CLIP1: variants seen among roughly 807,000 people sequenced by gnomAD.
CLIP1 encodes CAP-Gly domain-containing linker protein 1.
Under a neutral mutation model 161.6 loss-of-function variants are expected in CLIP1, and 66 were observed. That is an observed-to-expected ratio of 0.41 (90% CI 0.33 to 0.50). The LOEUF is 0.50. Among genes scored for constraint, CLIP1 ranks in the 20% least tolerant of loss-of-function variants. CLIP1 has a pLI of 0.27. For synonymous variants in CLIP1, 598 were observed against 626.2 expected, an observed-to-expected ratio of 0.96 and a Z score of 0.67; for missense variants, 1,376 against 1,702.0, an observed-to-expected ratio of 0.81 and a Z score of 3.37.
intron 3 of CLIP1, among the ~76,000 whole-genome samples, chr12:122,376,651 T>C (rs2136774919): frequency 6.6e-6 from 1 of 151,556 alleles, no homozygotes; most frequent in African/African-American, 2.4e-5. Context: ...TGTATTTTTT[T>C]AGTAGAGATG....
chr12:122,405,871 C>A (rs2137121487), intron 1 of CLIP1, among the ~76,000 whole-genome samples: 1 of 152,228 alleles, frequency 6.6e-6, no homozygotes, highest in Admixed American at 6.5e-5. Flanking sequence ...ACGTTCAAGA[C>A]CAGCCTGGCC....
intron 1 of CLIP1, among the ~76,000 whole-genome samples, chr12:122,418,981 C>A (rs953659809): frequency 6.6e-6 from 1 of 152,042 alleles, no homozygotes; most frequent in African/African-American, 2.4e-5. Context: ...AATATTAAAC[C>A]CTCTCCCTGT....
In CLIP1 at chr12:122,328,078, G is replaced by A. The variant is rs914522566; in HGVS notation, c.3118C>T (p.His1040Tyr). 2.5e-6 allele frequency: 4 copies of A among 1,613,992 alleles called. No individual in the cohort carries two copies. The highest frequency in any genetic ancestry group is 2.2e-5 in the South Asian group (2 of 91,082). The part of the protein sequence containing the change: ...ERATSETKTK[H>Y]EEILQNLQKT... The stretch of plus-strand genomic sequence containing the variant: ...TGGAGGTTCTGTAGGATTTCTTCAT[G>A]CTTGGTTTTTGTCTCAGAAGTGGCT... Residue 1040 changes from histidine to tyrosine, a missense_variant, in exon 17 of 26, where the codon CAT becomes TAT. Transcript: ENST00000620786.
In CLIP1 at chr12:122,323,986, C is replaced by T. The variant is rs1487482696; in HGVS notation, c.3249+3961G>A. 6.6e-6 allele frequency: 1 copy of T among 152,608 alleles called. No individual in the cohort carries two copies. Among genetic ancestry groups the T allele is most frequent in the Non-Finnish European group, 1.5e-5 (1 of 68,036 alleles). The allele number at this position is 152,608 out of a possible 1,614,324, so 9.5% of individuals were successfully genotyped here. On this transcript the variant is annotated intron_variant, in intron 17 of 25. Coordinates refer to ENST00000620786, the MANE Select transcript of CLIP1 (RefSeq NM_001247997.2). The surrounding 1 kb of genome is among the most constrained non-coding windows in gnomAD (Gnocchi z 4.1). ...CTTCAATGAGTGCCTGCATGCTCACCTTGGAAGCTTGCAAAGAGTCATTTT... is the reference window on the plus strand; with the variant it reads ...CTTCAATGAGTGCCTGCATGCTCACTTTGGAAGCTTGCAAAGAGTCATTTT...
At chr12:122,313,063 C>T (rs1387687168) in intron 19 of CLIP1, among the ~76,000 whole-genome samples, 1 of 152,166 alleles carries the variant, frequency 6.6e-6, no homozygotes, top group East Asian at 1.9e-4. Flanking sequence ...GGGGCAGGGG[C>T]TTTTTCAACC....
intron 1 of CLIP1, among the ~76,000 whole-genome samples, chr12:122,383,179 G>A (rs1226276331): frequency 1.3e-5 from 2 of 152,188 alleles, no homozygotes; most frequent in Non-Finnish European, 2.9e-5. Context: ...AGTGACAAGG[G>A]CCAGGTAGAA....
intron 11 of CLIP1, among the ~76,000 whole-genome samples, chr12:122,337,175 C>T (rs1369047678): frequency 2.6e-5 from 4 of 151,868 alleles, no homozygotes; most frequent in South Asian, 4.2e-4. Flanking sequence ...TGGCTGGGCT[C>T]GGTGGCTAAT....
intron 1 of CLIP1, among the ~76,000 whole-genome samples, chr12:122,419,926 CAAA>C (rs5801469): frequency 5.0e-5 from 4 of 79,838 alleles, no homozygotes; most frequent in Admixed American, 3.2e-4. Context: ...GACTCTGTCT[CAAA>C]AAAAAAAAAA....
At chr12:122,421,720 A>G (rs930572610) in intron 1 of CLIP1, among the ~76,000 whole-genome samples, 3 of 152,214 alleles carry the variant, frequency 2.0e-5, no homozygotes, top group Non-Finnish European at 4.4e-5. Context: ...TGGAAAAGCC[A>G]CATGAAGTGG....
At chr12:122,301,909 T>C (rs1368982964) in intron 20 of CLIP1, among the ~76,000 whole-genome samples, 3 of 152,192 alleles carry the variant, frequency 2.0e-5, no homozygotes, top group African/African-American at 4.8e-5. Flanking sequence ...TTTGGAAACA[T>C]GTGCCTGCTG....
intron 17 of CLIP1, among the ~76,000 whole-genome samples, chr12:122,321,018 TTAAATAAATAAATAAATAAA>T (rs56780235): frequency 2.1e-5 from 3 of 145,086 alleles, no homozygotes; most frequent in East Asian, 4.2e-4. Flanking sequence ...AGACTCTGTC[TTAAATAAATAAATAAATAAA>T]TAAATAAATA....
At chr12:122,370,397 TG>T (rs1566185136) in intron 3 of CLIP1, among the ~76,000 whole-genome samples, 1 of 152,144 alleles carries the variant, frequency 6.6e-6, no homozygotes, top group Non-Finnish European at 1.5e-5. Context: ...CTACAACACC[TG>T]GAACAACTTC....
intron 3 of CLIP1, among the ~76,000 whole-genome samples, chr12:122,372,678 T>A (rs544241121): frequency 9.9e-5 from 15 of 151,812 alleles, no homozygotes; most frequent in Non-Finnish European, 1.9e-4. Flanking sequence ...CTAAGTAAAA[T>A]CCATTGTGTT....
At chr12:122,330,597 G>GTTTT (rs71082966) in intron 15 of CLIP1, among the ~76,000 whole-genome samples, 4,367 of 101,236 alleles carry the variant, frequency 0.043, 524 homozygotes, top group African/African-American at 0.12. Flanking sequence ...GTATAATGCA[G>GTTTT]TTTTTTTTTT....
At chr12:122,390,199 T>TATATATA (rs1955553263) in intron 1 of CLIP1, among the ~76,000 whole-genome samples, 5 of 116,902 alleles carry the variant, frequency 4.3e-5, no homozygotes, top group East Asian at 2.7e-4. Context: ...ATATATATAA[T>TATATATA]ATATATATAC....
Position 122,279,872 on chromosome 12 carries a change from G to T in CLIP1, c.3648-727C>A, listed in dbSNP as rs1204668352. The T allele has an allele frequency of 6.6e-6, 1 of 152,178 alleles. No individual in the cohort carries two copies. Among genetic ancestry groups the T allele is most frequent in the African/African-American group, 2.4e-5 (1 of 41,434 alleles). 9.4% of individuals were successfully genotyped at this position (152,178 alleles called of 1,614,324 possible). A position where few individuals can be genotyped will look rare whatever the true frequency, so the allele number is the denominator to read the frequency against. ...GAGCCTGGAAGGAGAAATTCAGAGC[G>T]CCTGGTTTATGTTCTCGGCCTGACT... On this transcript the variant is annotated intron_variant, in intron 21 of 25. Coordinates refer to ENST00000620786, the MANE Select transcript of CLIP1 (RefSeq NM_001247997.2). The surrounding 1 kb of genome is among the most constrained non-coding windows in gnomAD (Gnocchi z 4.5).
intron 1 of CLIP1, among the ~76,000 whole-genome samples, chr12:122,420,957 G>GATT (rs1566257637): frequency 2.0e-5 from 3 of 150,726 alleles, no homozygotes; most frequent in African/African-American, 7.4e-5. Context: ...ATTGATTGAT[G>GATT]GATGGATAGA....
rs757980790 is a variant in CLIP1, at chr12:122,377,617, G to T, written c.429C>A (p.Ser143=). Residue 143 remains serine (S), a synonymous_variant, in exon 3 of 26, where the codon TCC becomes TCA. Transcript: ENST00000620786. ...EANGLQTTPA[S]RATSPLCTST... is the part of the protein sequence containing the mutation. Reference sequence around the variant, plus strand: ...AAGTGCACAGCGGTGAAGTAGCTCGGGAGGCGGGCGTTGTCTGCAGGCCAT... The same window carrying T: ...AAGTGCACAGCGGTGAAGTAGCTCGTGAGGCGGGCGTTGTCTGCAGGCCAT... The T allele has an allele frequency of 3.7e-6, 6 of 1,613,856 alleles. No homozygotes were observed. Among genetic ancestry groups the T allele is most frequent in the Non-Finnish European group, 5.1e-6 (6 of 1,179,992 alleles).
At chr12:122,339,162 T>C (rs1952376730) in intron 11 of CLIP1, among the ~76,000 whole-genome samples, 2 of 152,152 alleles carry the variant, frequency 1.3e-5, no homozygotes, top group Non-Finnish European at 2.9e-5. Context: ...ATGTTTCACG[T>C]AATTTCCTAA....
Sources: gnomAD v4.1 joint callset for allele counts (sites outside exome capture counted in the v4.1 genomes callset) on GRCh38, gnomAD v4.1.1 for gene constraint, Gnocchi (gnomAD v3.1) non-coding constraint, MANE v1.5 for transcripts, NCBI Gene and HGNC (gene_info 2026-07-23, HGNC 2026-07-21) for gene names.